Variants in KNTC1 observed in about 807,000 individuals in gnomAD.
The protein encoded by KNTC1 is kinetochore associated 1.
In KNTC1, 253 loss-of-function variants were observed where a neutral mutation model predicts 314.4. The observed-to-expected ratio is 0.80, with a 90% CI of 0.73 to 0.89. The LOEUF (loss-of-function observed/expected upper bound fraction) is 0.89. KNTC1 is among the 40% of genes least tolerant of loss of function. The pLI is 0.00. For missense variants in KNTC1, 2,475 were observed against 2,572.9 expected (o/e 0.96, Z 0.82); for synonymous variants, 901 against 901.4 (o/e 1.00, Z 0.01).
chr12:122,541,891 C>T (rs879606514), intron 5 of KNTC1, among the ~76,000 whole-genome samples, 159 bp from the exon 6 acceptor site: 1 of 151,466 alleles, frequency 6.6e-6, no homozygotes, highest in Non-Finnish European at 1.5e-5. Flanking sequence ...TGGTGGTGCA[C>T]GCCTGTAGTC....
intron 44 of KNTC1, 52 bp downstream of exon 44, chr12:122,597,990 TAATA>T: frequency 7.3e-7 from 1 of 1,363,488 alleles, no homozygotes; most frequent in Non-Finnish European, 1.0e-6. Flanking sequence ...CTCCCACCCT[TAATA>T]ATTAGATACA....
intron 51 of KNTC1, 65 bp downstream of exon 51, chr12:122,605,480 T>C: frequency 2.7e-6 from 2 of 749,116 alleles, no homozygotes; most frequent in Non-Finnish European, 4.5e-6. Flanking sequence ...TCTCAAAGGC[T>C]AAATATTTAT....
chr12:122,568,282 T>C lies in KNTC1; in HGVS notation c.1626T>C (p.Phe542=), dbSNP rs1261607496. 3 of 1,556,944 alleles carry C rather than the reference T, an allele frequency of 1.9e-6. No individual in the cohort carries two copies. The highest frequency in any genetic ancestry group is 2.7e-6 in the Non-Finnish European group (3 of 1,131,328). The change falls in exon 21 of 64, where the codon TTT becomes TTC. Residue 542 remains phenylalanine, a synonymous_variant. Coordinates refer to ENST00000333479, the MANE Select transcript of KNTC1 (RefSeq NM_014708.6). ...EKFSGSSWIE[F]LNNEDDLKDI... ...TCAGTGGCAGTTCTTGGATTGAATT[T>C]CTAAATAATGAAGATGATCTTAAAG... is the stretch of plus-strand genomic sequence containing the variant.
chr12:122,547,465 G>A lies in KNTC1; in HGVS notation c.867G>A (p.Trp289Ter). The change falls in exon 11 of 64, where the codon TGG becomes TGA. Residue 289 changes from tryptophan (W) to a stop codon, truncating the protein, a stop_gained. Coordinates refer to ENST00000333479, the MANE Select transcript of KNTC1 (RefSeq NM_014708.6). LOFTEE classifies it high-confidence loss of function. Reference sequence around the variant, plus strand: ...ACACTCTAACTCCTGTATGGAACTGGCCCTCTCTTCACGTAGAAGAGTTTC... The same window carrying A: ...ACACTCTAACTCCTGTATGGAACTGACCCTCTCTTCACGTAGAAGAGTTTC... ...DIYTLTPVWN[W>*]PSLHVEEFLL... 1 of 1,613,242 alleles carries A rather than the reference G, an allele frequency of 6.2e-7. No individual in the cohort carries two copies. The highest frequency in any genetic ancestry group is 8.5e-7 in the Non-Finnish European group (1 of 1,179,336).
At position 122,549,749 on chromosome 12, in the gene KNTC1, T is replaced by C. The variant is rs764633399; in HGVS notation, c.988-17T>C. The stretch of plus-strand genomic sequence containing the variant: ...TAAATTGATCTGCTAAATTAATTGC[T>C]CTGCTATTTTTCTTAGATGAAAAAC... On this transcript the variant is annotated splice_polypyrimidine_tract_variant and intron_variant, in intron 12 of 63. Coordinates refer to ENST00000333479, the MANE Select transcript of KNTC1 (RefSeq NM_014708.6). 17 of 1,189,334 alleles carry C rather than the reference T, an allele frequency of 1.4e-5. No individual in the cohort carries two copies. In the East Asian group the frequency reaches 2.0e-4, roughly 14 times the overall value. 73.7% of individuals were successfully genotyped at this position (1,189,334 alleles called of 1,614,324 possible).
chr12:122,532,857 G>A (rs938968060), intron 2 of KNTC1, among the ~76,000 whole-genome samples: 5 of 152,182 alleles, frequency 3.3e-5, no homozygotes, highest in Admixed American at 6.5e-5. Context: ...CAGTAAATGA[G>A]TAGGAATTCA....
intron 42 of KNTC1, among the ~76,000 whole-genome samples, chr12:122,592,015 G>A (rs1449595717): frequency 6.6e-6 from 1 of 152,206 alleles, no homozygotes; most frequent in Non-Finnish European, 1.5e-5. Flanking sequence ...CTTGCAGGGA[G>A]GTGTGGAGGG....
intron 30 of KNTC1, among the ~76,000 whole-genome samples, chr12:122,577,420 A>G (rs1275739058): frequency 3.9e-5 from 6 of 152,192 alleles, no homozygotes; most frequent in Non-Finnish European, 8.8e-5. Flanking sequence ...AGGGCTTAAA[A>G]TGTGCATGAC....
chr12:122,555,708 G>T (rs1045826000), intron 16 of KNTC1, among the ~76,000 whole-genome samples: 1 of 151,982 alleles, frequency 6.6e-6, no homozygotes, highest in Non-Finnish European at 1.5e-5. Context: ...AATTATCCTG[G>T]TGTGGTGGCA....
intron 44 of KNTC1, among the ~76,000 whole-genome samples, 189 bp downstream of exon 44, chr12:122,598,127 C>T (rs544297743): frequency 2.6e-5 from 4 of 152,242 alleles, no homozygotes; most frequent in East Asian, 1.9e-4. Flanking sequence ...ATAGAAATAG[C>T]TTTTCTTCCC....
chr12:122,573,497 G>A (rs1964828322), intron 26 of KNTC1, among the ~76,000 whole-genome samples: 1 of 152,192 alleles, frequency 6.6e-6, no homozygotes, highest in Non-Finnish European at 1.5e-5. Flanking sequence ...ATCTGAGACA[G>A]TTCTCAGTTA....
intron 11 of KNTC1, 82 bp downstream of exon 11, chr12:122,547,612 A>G: frequency 1.1e-6 from 1 of 894,346 alleles, no homozygotes; most frequent in South Asian, 1.5e-5. Flanking sequence ...GTCATTTATT[A>G]TGTTTTACAT....
chr12:122,562,616 T>A, intron 19 of KNTC1, 22 bp from the exon 20 acceptor site: 2 of 1,404,474 alleles, frequency 1.4e-6, no homozygotes, highest in Admixed American at 1.8e-5. Flanking sequence ...AAATTCAGAT[T>A]ATTAAATTAT....
intron 62 of KNTC1, among the ~76,000 whole-genome samples, chr12:122,623,823 T>C (rs1874700426): frequency 6.6e-6 from 1 of 152,084 alleles, no homozygotes; most frequent in South Asian, 2.1e-4. Context: ...TCCCAGCACT[T>C]TGGGAGGCCG....
chr12:122,594,520 A>G, intron 43 of KNTC1, 135 bp downstream of exon 43: 2 of 604,994 alleles, frequency 3.3e-6, no homozygotes, highest in Non-Finnish European at 2.9e-6. Context: ...CAAACTGAGT[A>G]AATATGAAAT....
chr12:122,619,579 A>C (rs1318440912), intron 59 of KNTC1, among the ~76,000 whole-genome samples: 4 of 151,888 alleles, frequency 2.6e-5, no homozygotes, highest in African/African-American at 9.7e-5. Flanking sequence ...TGCCCGGCTA[A>C]TTGTTTGTAT....
chr12:122,557,750 C>A, intron 18 of KNTC1, 61 bp downstream of exon 18: 2 of 1,138,552 alleles, frequency 1.8e-6, no homozygotes, highest in East Asian at 2.5e-5. Flanking sequence ...TTTAATCTCT[C>A]ATAATCCTGC....
rs1236416401 is a variant in KNTC1, at chr12:122,549,838, T to C, written c.1060T>C (p.Ser354Pro). 6 of 1,566,922 alleles carry C rather than the reference T, an allele frequency of 3.8e-6. No individual in the cohort carries two copies. The Admixed American group carries it at 1.1e-4, about 28-fold the overall frequency. Residue 354 changes from serine to proline, a missense_variant, in exon 13 of 64, where the codon TCT (serine) becomes CCT (proline). Physicochemically the swap from Ser to Pro is moderately conservative, Grantham distance 74. Coordinates refer to ENST00000333479, the MANE Select transcript of KNTC1 (RefSeq NM_014708.6). ...LYSLEVSSVS[S>P]LVQTGISTDT... is the part of the protein sequence containing the mutation. The stretch of plus-strand genomic sequence containing the variant: ...TTCTTTGGAAGTATCTAGTGTTTCT[T>C]CTCTGGTCCAAACAGGAATTAGCAC...
chr12:122,571,821 C>A (rs1259019308), intron 24 of KNTC1, among the ~76,000 whole-genome samples: 2 of 152,014 alleles, frequency 1.3e-5, no homozygotes, highest in African/African-American at 4.8e-5. Flanking sequence ...AGGCACCCCC[C>A]ACCACGCCTG....
Sources: allele counts gnomAD v4.1 joint callset (sites outside exome capture counted in the v4.1 genomes callset), GRCh38; gene constraint gnomAD v4.1.1; transcripts MANE v1.5; gene names NCBI Gene and HGNC (gene_info 2026-07-23, HGNC 2026-07-21).